SMUG1: variants seen among roughly 807,000 people sequenced by gnomAD.
SMUG1 encodes single-strand selective monofunctional uracil DNA glycosylase.
In SMUG1, 13 loss-of-function variants were observed where a neutral mutation model predicts 23.9. That is an observed-to-expected ratio of 0.54 (90% CI 0.35 to 0.86). The LOEUF is 0.86. Ranked by LOEUF, SMUG1 falls within the 40% of genes least tolerant of loss-of-function variation. The pLI, the probability that SMUG1 is intolerant of heterozygous loss-of-function variation, is 0.01. For synonymous variants in SMUG1, 133 were observed against 139.8 expected (o/e 0.95, Z 0.34); for missense variants, 313 against 339.5 (o/e 0.92, Z 0.61).
chr12:54,186,184 T>C (rs1290091511), intron 2 of SMUG1, among the ~76,000 whole-genome samples: 3 of 152,068 alleles, frequency 2.0e-5, no homozygotes, highest in Non-Finnish European at 2.9e-5. Flanking sequence ...TGTCCACATA[T>C]CCAAATCACT....
intron 2 of SMUG1, among the ~76,000 whole-genome samples, chr12:54,173,521 C>T (rs1940677820): frequency 6.6e-6 from 1 of 152,222 alleles, no homozygotes; most frequent in South Asian, 2.1e-4. Flanking sequence ...AAATTACCGC[C>T]AGAATCGCTG....
At chr12:54,188,295 A>AATAATAATAATAATAAAT (rs869289712) in intron 1 of SMUG1, among the ~76,000 whole-genome samples, 2 of 68,900 alleles carry the variant, frequency 2.9e-5, no homozygotes, top group East Asian at 4.0e-4. Context: ...TAATAATAAT[A>AATAATAATAATAATAAAT]AATAATAATA....
rs372577448 is a variant in SMUG1 at position 54,182,771 on chromosome 12, T to C, written c.286-148A>G. On this transcript the variant is annotated intron_variant, in intron 3 of 3. Transcript: ENST00000682136. The stretch of plus-strand genomic sequence containing the variant: ...ACCCAAAGGCCTGAGACAAGGATTC[T>C]TGGCCCTATGGTTTGAGCCTGTCTG... 1.8e-4 allele frequency: 251 copies of C among 1,417,990 alleles called. 2 individuals carry two copies. The East Asian group carries it at 1.9e-3, about 11-fold the overall frequency. The allele number at this position is 1,417,990 out of a possible 1,614,324, so 87.8% of individuals were successfully genotyped here. A position where few individuals can be genotyped will look rare whatever the true frequency, so the allele number is the denominator to read the frequency against.
intron 3 of SMUG1, among the ~76,000 whole-genome samples, chr12:54,170,566 G>C (rs779317467): frequency 1.1e-4 from 16 of 152,054 alleles, no homozygotes; most frequent in Admixed American, 7.9e-4. Context: ...AGATGTCTCA[G>C]CATTTTTTTT....
chr12:54,175,374 G>A (rs1398428983), downstream of SMUG1, among the ~76,000 whole-genome samples: 7 of 152,168 alleles, frequency 4.6e-5, no homozygotes, highest in Admixed American at 4.6e-4. Context: ...ATCTTCCATA[G>A]GGCCACACCC....
chr12:54,168,438 T>A (rs1443176127), intron 3 of SMUG1: 1 of 152,126 alleles, frequency 6.6e-6, no homozygotes, highest in Non-Finnish European at 1.5e-5. Flanking sequence ...AATCCAACTC[T>A]CCAGTTTAGC....
intron 3 of SMUG1, among the ~76,000 whole-genome samples, chr12:54,168,086 C>G (rs1309940614): frequency 1.3e-5 from 2 of 152,192 alleles, no homozygotes; most frequent in African/African-American, 2.4e-5. Context: ...CCCACCTCCC[C>G]AAGTCAGGGG....
chr12:54,179,224 G>A (rs1048909222), downstream of SMUG1, among the ~76,000 whole-genome samples: 43 of 152,128 alleles, frequency 2.8e-4, no homozygotes, highest in African/African-American at 9.4e-4. Context: ...GTGGGACTTC[G>A]CCCTGTGATC....
chr12:54,177,448 T>C (rs954611697), downstream of SMUG1, among the ~76,000 whole-genome samples: 1 of 152,230 alleles, frequency 6.6e-6, no homozygotes, highest in African/African-American at 2.4e-5. Flanking sequence ...TCACTAGCCA[T>C]GTGTGGCTAT....
chr12:54,187,153 C>A (rs1942659091), intron 2 of SMUG1: 1 of 152,252 alleles, frequency 6.6e-6, no homozygotes, highest in Admixed American at 6.5e-5. Flanking sequence ...TGGGTCTGTG[C>A]CCATCATATG....
At chr12:54,166,032 C>T (rs1282580387) in intron 3 of SMUG1, among the ~76,000 whole-genome samples, 1 of 152,222 alleles carries the variant, frequency 6.6e-6, no homozygotes, top group Admixed American at 6.5e-5. Flanking sequence ...TGAAAGGACT[C>T]TGAGCTAAAA....
At chr12:54,163,420 G>T (rs1178907122), downstream of SMUG1, among the ~76,000 whole-genome samples, 1 of 152,202 alleles carries the variant, frequency 6.6e-6, no homozygotes, top group East Asian at 1.9e-4. Context: ...TTACTAAGAT[G>T]ATTAAATAAA....
At chr12:54,170,177 A>G (rs997558833) in intron 3 of SMUG1, among the ~76,000 whole-genome samples, 2 of 151,656 alleles carry the variant, frequency 1.3e-5, no homozygotes, top group African/African-American at 2.4e-5. Context: ...CAGCCTGGGC[A>G]ACAAGAGCGA....
chr12:54,171,686 CAAAAAAA>C (rs55830557), intron 3 of SMUG1, among the ~76,000 whole-genome samples: 2 of 69,058 alleles, frequency 2.9e-5, no homozygotes, highest in Admixed American at 1.8e-4. Flanking sequence ...AGTCTTGTCT[CAAAAAAA>C]AAAAAAAAAA....
chr12:54,180,516 C>G lies in SMUG1; in HGVS notation c.*1580G>C, dbSNP rs539786697. 1 of 152,320 alleles carries G rather than the reference C, an allele frequency of 6.6e-6. No homozygotes were observed. Among genetic ancestry groups the G allele is most frequent in the Non-Finnish European group, 1.5e-5 (1 of 68,024 alleles). 9.4% of individuals were successfully genotyped at this position (152,320 alleles called of 1,614,324 possible). On this transcript the variant is annotated 3_prime_UTR_variant, in exon 4 of 4. Transcript: ENST00000682136. The stretch of plus-strand genomic sequence containing the variant: ...CTCATTAAGGTGGTCTCAAGACCTG[C>G]TCTGCTCCCAACTTGGTTCACTTTC...
chr12:54,173,821 C>T (rs1163899602), intron 2 of SMUG1, among the ~76,000 whole-genome samples: 1 of 151,300 alleles, frequency 6.6e-6, no homozygotes, highest in Admixed American at 6.6e-5. Context: ...TGTTCCCCCG[C>T]CCAAACAGAG....
chr12:54,179,883 G>A (rs768792022), downstream of SMUG1, among the ~76,000 whole-genome samples: 1 of 152,190 alleles, frequency 6.6e-6, no homozygotes, highest in Non-Finnish European at 1.5e-5. Flanking sequence ...CAAATATATG[G>A]TAGGGTCCAG....
intron 4 of SMUG1, chr12:54,165,249 C>T (rs538047832): frequency 1.1e-4 from 16 of 152,342 alleles, no homozygotes; most frequent in African/African-American, 3.8e-4. Flanking sequence ...GCAGACCCTT[C>T]GTTTTGGGGC....
chr12:54,181,660 G>A lies in SMUG1; in HGVS notation c.*436C>T. ...TTTGTCTTGGTCCCTGTGAGGAAAGGGGTCAGCTAAAGGTAACTGTTCTAT... is the reference window on the plus strand; with the variant it reads ...TTTGTCTTGGTCCCTGTGAGGAAAGAGGTCAGCTAAAGGTAACTGTTCTAT... On this transcript the variant is annotated 3_prime_UTR_variant, in exon 4 of 4. Coordinates refer to ENST00000682136, the MANE Select transcript of SMUG1 (RefSeq NM_001243787.2). 1 of 1,589,066 alleles carries A rather than the reference G, an allele frequency of 6.3e-7. No individual in the cohort carries two copies. The highest frequency in any genetic ancestry group is 1.1e-5 in the South Asian group (1 of 88,806).
Sources: gnomAD v4.1 joint callset for allele counts (sites outside exome capture counted in the v4.1 genomes callset) on GRCh38, gnomAD v4.1.1 for gene constraint, MANE v1.5 for transcripts, NCBI Gene and HGNC (gene_info 2026-07-23, HGNC 2026-07-21) for gene names.